Variants in KLHL17 observed in about 807,000 individuals in gnomAD.
KLHL17 encodes the protein kelch-like protein 17.
A neutral mutation model predicts 64.6 loss-of-function variants in KLHL17; 71 were observed. That is an observed-to-expected ratio of 1.10 (90% CI 0.91 to 1.34). The LOEUF (loss-of-function observed/expected upper bound fraction) is 1.34. KLHL17 is among the 40% of genes most tolerant of loss of function. KLHL17 has a pLI of 0.00. For missense variants in KLHL17, 1,140 were observed against 935.0 expected (o/e 1.22, Z -2.86); for synonymous variants, 612 against 405.4 (o/e 1.51, Z -6.12).
intron 8 of KLHL17, 161 bp downstream of exon 8, chr1:963,665 T>G: frequency 1.1e-6 from 1 of 934,426 alleles, no homozygotes. Flanking sequence ...ACTCTTGGCT[T>G]TGCTGCCCCA....
At chr1:961,254 C>G (rs1340464585) in intron 1 of KLHL17, 39 bp from the exon 2 acceptor site, 2 of 1,347,876 alleles carry the variant, frequency 1.5e-6, no homozygotes, top group African/African-American at 3.1e-5. Flanking sequence ...GGGCGGGCGG[C>G]TCCAGCGGGG....
chr1:963,248 G>T lies in KLHL17; in HGVS notation c.1182G>T (p.Val394=). Reference sequence around the variant, plus strand: ...CGGTGGGGAACCGGCTCTATGCTGTGGGCGGGTAAGCCTGGAGGCTGGACT... The same window carrying T: ...CGGTGGGGAACCGGCTCTATGCTGTTGGCGGGTAAGCCTGGAGGCTGGACT... The part of the protein sequence containing the change: ...VAAVGNRLYA[V]GGYDGTSDLA... Residue 394 remains valine (V), a synonymous_variant, in exon 7 of 12, where the codon GTG becomes GTT. Transcript: ENST00000338591. The T allele has an allele frequency of 6.2e-7, 1 of 1,602,408 alleles. No individual in the cohort carries two copies. The highest frequency in any genetic ancestry group is 8.5e-7 in the Non-Finnish European group (1 of 1,171,744).
chr1:962,921 T>C lies in KLHL17; in HGVS notation c.1042+4T>C. On this transcript the variant is annotated splice_donor_region_variant and intron_variant, in intron 6 of 11. Transcript: ENST00000338591. The stretch of plus-strand genomic sequence containing the variant: ...GGGCCTGTGCTTTTTGCTGTGGGTA[T>C]GGCCCCCCGCCCGTTTCCCTCTTGC... 1 of 1,544,298 alleles carries C rather than the reference T, an allele frequency of 6.5e-7. No individual in the cohort carries two copies. Among genetic ancestry groups the C allele is most frequent in the East Asian group, 2.3e-5 (1 of 44,182 alleles).
intron 4 of KLHL17, 27 bp from the exon 5 acceptor site, chr1:962,328 C>G: frequency 1.9e-6 from 3 of 1,611,988 alleles, no homozygotes; most frequent in Non-Finnish European, 2.5e-6. Context: ...CTCCCCAGAT[C>G]TCAGGTCTGA....
In KLHL17 at chr1:964,174, G is replaced by A. The variant is rs1316397698; in HGVS notation, c.1512G>A (p.Glu504=). The A allele has an allele frequency of 2.7e-5, 43 of 1,612,556 alleles. No individual in the cohort carries two copies. Among genetic ancestry groups the A allele is most frequent in the Non-Finnish European group, 3.6e-5 (42 of 1,179,904 alleles). Residue 504 remains glutamate, a synonymous_variant, in exon 10 of 12, where the codon GAG becomes GAA. Transcript: ENST00000338591. ...SSHLATVEKY[E]PQVNVWSPVA... is the part of the protein sequence containing the mutation. ...ACCTGGCCACTGTGGAGAAGTATGA[G>A]CCCCAGGTGCATAGTGCACCCCTCC...
At chr1:962,535 G>T in intron 5 of KLHL17, 64 bp downstream of exon 5, 1 of 1,589,152 alleles carries the variant, frequency 6.3e-7, no homozygotes. Context: ...CTGAGGGCCT[G>T]GTGCACCCTG....
At chr1:963,702 C>T in intron 8 of KLHL17, 198 bp downstream of exon 8, 1 of 821,904 alleles carries the variant, frequency 1.2e-6, no homozygotes, top group East Asian at 2.7e-5. Context: ...CGGGTCCTTA[C>T]CCCCAGTCCA....
rs751515985 is a variant in KLHL17, at chr1:961,766, C to T, written c.489+16C>T. On this transcript the variant is annotated intron_variant, in intron 3 of 11. Transcript: ENST00000338591. ...CAATGTGCAGGTGAGGGCTCCCTCA[C>T]CCGGATCCCGGTGTCCCCCGACCCT... is the stretch of plus-strand genomic sequence containing the variant. 1.9e-6 allele frequency: 3 copies of T among 1,611,676 alleles called. No individual in the cohort carries two copies. Among genetic ancestry groups the T allele is most frequent in the African/African-American group, 2.7e-5 (2 of 74,880 alleles).
At position 964,949 on chromosome 1, in the gene KLHL17, C is replaced by T. The variant is rs1259898159; in HGVS notation, c.1701-14C>T. 3 of 1,575,236 alleles carry T rather than the reference C, an allele frequency of 1.9e-6. No individual in the cohort carries two copies. The South Asian group carries it at 3.4e-5, about 18-fold the overall frequency. On this transcript the variant is annotated splice_polypyrimidine_tract_variant and intron_variant, in intron 11 of 11. Coordinates refer to ENST00000338591, the MANE Select transcript of KLHL17 (RefSeq NM_198317.3). ...CCTTCCTGCAGCCAGGGGCTCACCC[C>T]GCCTTCCCCCCAGGAGCACGCATGA...
intron 5 of KLHL17, 83 bp from the exon 6 acceptor site, chr1:962,621 A>G: frequency 2.0e-6 from 3 of 1,524,002 alleles, no homozygotes; most frequent in Non-Finnish European, 2.6e-6. Context: ...CACAGGTGGT[A>G]CGGGCATCTG....
intron 5 of KLHL17, 81 bp from the exon 6 acceptor site, chr1:962,623 G>C: frequency 6.6e-7 from 1 of 1,522,866 alleles, no homozygotes; most frequent in Non-Finnish European, 8.8e-7. Flanking sequence ...CAGGTGGTAC[G>C]GGCATCTGGG....
intron 10 of KLHL17, 74 bp downstream of exon 10, chr1:964,254 C>A (rs114053887): frequency 1.3e-6 from 2 of 1,595,392 alleles, no homozygotes; most frequent in South Asian, 2.2e-5. Flanking sequence ...TACCCACATC[C>A]CCCCCATTCC....
chr1:962,119 C>A, intron 4 of KLHL17, 72 bp downstream of exon 4: 3 of 1,396,598 alleles, frequency 2.1e-6, no homozygotes, highest in Non-Finnish European at 3.0e-6. Context: ...ACTCCCGACC[C>A]CGTTTTGTTC....
At chr1:961,128 C>G (rs568568735) in intron 1 of KLHL17, among the ~76,000 whole-genome samples, 165 bp from the exon 2 acceptor site, 2 of 150,998 alleles carry the variant, frequency 1.3e-5, no homozygotes, top group Non-Finnish European at 3.0e-5. Context: ...GGCCTGGACA[C>G]GGCGCGCTCC....
In KLHL17 at chr1:961,873, C is replaced by T. The variant is rs370709224; in HGVS notation, c.537C>T (p.Asp179=). The change falls in exon 4 of 12, where the codon GAC becomes GAT. Residue 179 remains aspartate (D), a synonymous_variant. Transcript: ENST00000338591. ...TCCTGCAGCTGAATGGCGTCCGAGACGCTTGCTGCAAGTTTCTACTGAGTC... is the reference window on the plus strand; with the variant it reads ...TCCTGCAGCTGAATGGCGTCCGAGATGCTTGCTGCAAGTTTCTACTGAGTC... The part of the protein sequence containing the change: ...ASLLQLNGVR[D]ACCKFLLSQL... The T allele has an allele frequency of 3.1e-6, 5 of 1,612,304 alleles. No homozygotes were observed. The highest frequency in any genetic ancestry group is 2.2e-5 in the East Asian group (1 of 44,880).
In KLHL17 at chr1:960,718, G is replaced by C; in HGVS notation, c.25G>C (p.Ala9Pro). 1.5e-6 allele frequency: 2 copies of C among 1,348,496 alleles called. No homozygotes were observed. Among genetic ancestry groups the C allele is most frequent in the Non-Finnish European group, 9.6e-7 (1 of 1,042,764 alleles). 83.5% of individuals were successfully genotyped at this position (1,348,496 alleles called of 1,614,324 possible). A position where few individuals can be genotyped will look rare whatever the true frequency, so the allele number is the denominator to read the frequency against. The part of the protein sequence containing the change: MQPRSERP[A>P]GRTQSPEHGS... ...AATGCAGCCCCGCAGCGAGCGCCCG[G>C]CCGGCAGGACGCAGAGCCCGGAGCA... The change falls in exon 1 of 12, where the codon GCC becomes CCC. Residue 9 changes from alanine (A) to proline (P), a missense_variant. Physicochemically the swap from Ala to Pro is conservative, Grantham distance 27. Coordinates refer to ENST00000338591, the MANE Select transcript of KLHL17 (RefSeq NM_198317.3).
intron 5 of KLHL17, 43 bp downstream of exon 5, chr1:962,514 C>T (rs768190500): frequency 1.9e-5 from 31 of 1,603,080 alleles, no homozygotes; most frequent in Non-Finnish European, 2.1e-5. Context: ...TCCAGGAGGG[C>T]ATGCAGGTGG....
intron 4 of KLHL17, 32 bp downstream of exon 4, chr1:962,079 C>T (rs771687125): frequency 1.9e-5 from 28 of 1,511,792 alleles, no homozygotes; most frequent in East Asian, 4.8e-5. Flanking sequence ...CCTCGCCCCC[C>T]ACCCCACCCC....
In KLHL17 at chr1:962,388, G is replaced by T. The variant is rs199639753; in HGVS notation, c.745G>T (p.Val249Leu). 2 of 1,612,804 alleles carry T rather than the reference G, an allele frequency of 1.2e-6. No individual in the cohort carries two copies. The highest frequency in any genetic ancestry group is 1.7e-6 in the Non-Finnish European group (2 of 1,179,932). Residue 249 changes from valine (V) to leucine (L), a missense_variant, in exon 5 of 12, where the codon GTG becomes TTG. Val to Leu is a conservative substitution (Grantham distance 32). Coordinates refer to ENST00000338591, the MANE Select transcript of KLHL17 (RefSeq NM_198317.3). ...LELVSSDSLN[V>L]PSEEEVYRAV... ...ACTGGTCTCTAGCGACAGCCTGAAC[G>T]TGCCTTCAGAGGAGGAGGTCTACCG...
Sources: allele counts gnomAD v4.1 joint callset (sites outside exome capture counted in the v4.1 genomes callset), GRCh38; gene constraint gnomAD v4.1.1; transcripts MANE v1.5; gene names NCBI Gene and HGNC (gene_info 2026-07-23, HGNC 2026-07-21).